The following PDSS1 variants were observed in gnomAD, a reference collection of about 807,000 sequenced individuals.
PDSS1 encodes decaprenyl diphosphate synthase subunit 1.
A neutral mutation model predicts 57.5 loss-of-function variants in PDSS1; 43 were observed. That is an observed-to-expected ratio of 0.75 (90% CI 0.59 to 0.96). The LOEUF is 0.96. Among genes scored for constraint, PDSS1 ranks in the 50% least tolerant of loss-of-function variants. The probability of loss-of-function intolerance (pLI) is 0.00; values close to 1 mark genes in which losing one functional copy is unlikely to be tolerated. For missense variants in PDSS1, 438 were observed against 527.8 expected (o/e 0.83, Z 1.67); for synonymous variants, 175 against 191.3 (o/e 0.91, Z 0.70).
intron 8 of PDSS1, among the ~76,000 whole-genome samples, chr10:26,724,923 A>G (rs891807919): frequency 1.3e-5 from 2 of 152,220 alleles, no homozygotes; most frequent in African/African-American, 4.8e-5. Context: ...TACATGAAAT[A>G]TAAACAAGTC....
intron 2 of PDSS1, among the ~76,000 whole-genome samples, chr10:26,703,786 T>C (rs1780183): frequency 0.71 from 108,444 of 151,814 alleles, 39,095 homozygotes; most frequent in East Asian, 0.97. Context: ...ACTTTCATTG[T>C]CATTTTAATA....
intron 1 of PDSS1, among the ~76,000 whole-genome samples, chr10:26,699,166 C>G (rs1479271696): frequency 1.3e-5 from 2 of 152,024 alleles, no homozygotes; most frequent in African/African-American, 4.8e-5. Flanking sequence ...GTTTGGAGAC[C>G]AAGTGGCAGC....
chr10:26,698,499 T>C (rs1834948618), intron 1 of PDSS1, among the ~76,000 whole-genome samples: 1 of 152,178 alleles, frequency 6.6e-6, no homozygotes, highest in Non-Finnish European at 1.5e-5. Context: ...TAGCCCATTC[T>C]TTCAGGGTCT....
chr10:26,733,623 C>T (rs941664770), intron 8 of PDSS1, among the ~76,000 whole-genome samples: 1 of 152,120 alleles, frequency 6.6e-6, no homozygotes, highest in Non-Finnish European at 1.5e-5. Context: ...GGTGCGTGGA[C>T]ACTGCCAAGG....
intron 1 of PDSS1, chr10:26,701,859 A>T (rs553279082): frequency 2.2e-6 from 1 of 454,788 alleles, no homozygotes; most frequent in South Asian, 1.6e-5. Context: ...GAAAAGCTGC[A>T]GGCACTCAAT....
At chr10:26,723,428 G>A (rs1380480959) in intron 6 of PDSS1, among the ~76,000 whole-genome samples, 1 of 152,160 alleles carries the variant, frequency 6.6e-6, no homozygotes, top group Non-Finnish European at 1.5e-5. Context: ...GTCAACTGGG[G>A]AGATGGACAT....
At chr10:26,698,483 C>T (rs192983547) in intron 1 of PDSS1, among the ~76,000 whole-genome samples, 109 of 152,270 alleles carry the variant, frequency 7.2e-4, no homozygotes, top group African/African-American at 2.3e-3. Flanking sequence ...GTCAGAATCT[C>T]AGCGATAGCC....
At position 26,735,616 on chromosome 10, in the gene PDSS1, T is replaced by C. The variant is rs775868474; in HGVS notation, c.1026+37T>C. On this transcript the variant is annotated intron_variant, in intron 10 of 11. Transcript: ENST00000376215. ...AAACTCCCTTTGACACATCACTGCA[T>C]AGCCCCACAGAACTGATGTCCCGCG... is the stretch of plus-strand genomic sequence containing the variant. 4.4e-6 allele frequency: 5 copies of C among 1,148,802 alleles called. No homozygotes were observed. The Admixed American group carries it at 8.5e-5, about 19-fold the overall frequency. 71.2% of individuals were successfully genotyped at this position (1,148,802 alleles called of 1,614,324 possible). A position where few individuals can be genotyped will look rare whatever the true frequency, so the allele number is the denominator to read the frequency against.
rs1039558873 is a variant in PDSS1, at chr10:26,697,789, C to G, written c.78C>G (p.Pro26=). 2.4e-5 allele frequency: 32 copies of G among 1,309,786 alleles called. No individual in the cohort carries two copies. Among genetic ancestry groups the G allele is most frequent in the South Asian group, 1.1e-4 (5 of 44,360 alleles). 81.1% of individuals were successfully genotyped at this position (1,309,786 alleles called of 1,614,324 possible). A position where few individuals can be genotyped will look rare whatever the true frequency, so the allele number is the denominator to read the frequency against. Residue 26 remains proline, a synonymous_variant, in exon 1 of 12, where the codon CCC becomes CCG. Coordinates refer to ENST00000376215, the MANE Select transcript of PDSS1 (RefSeq NM_014317.5). Reference sequence around the variant, plus strand: ...CGCGGAGCCCCGGGCCCGGCTCCCCCGGCCGTGCGGGACCGTTGGGGCCGA... The same window carrying G: ...CGCGGAGCCCCGGGCCCGGCTCCCCGGGCCGTGCGGGACCGTTGGGGCCGA... ...PAARSPGPGS[P]GRAGPLGPSA... is the part of the protein sequence containing the mutation.
Position 26,709,819 on chromosome 10 carries a change from C to G in PDSS1, c.467+51C>G, listed in dbSNP as rs373098409. 8.5e-5 allele frequency: 135 copies of G among 1,579,610 alleles called. 1 individual carries two copies. Among genetic ancestry groups the G allele is most frequent in the Non-Finnish European group, 1.1e-4 (130 of 1,149,206 alleles). ...TTGTTTTTATATTTGGGAAGTCTTT[C>G]TTCCCGGGGTTACTTACTGTTTCAT... On this transcript the variant is annotated intron_variant, in intron 5 of 11. Transcript: ENST00000376215.
chr10:26,703,346 A>G (rs1835103494), intron 2 of PDSS1, among the ~76,000 whole-genome samples: 1 of 149,822 alleles, frequency 6.7e-6, no homozygotes, highest in Non-Finnish European at 1.5e-5. Flanking sequence ...TAGTTATTAT[A>G]ACTAATCATA....
At chr10:26,740,749 G>C (rs1836568878) in intron 10 of PDSS1, 1 of 452,760 alleles carries the variant, frequency 2.2e-6, no homozygotes, top group Non-Finnish European at 4.5e-6. Flanking sequence ...GAGCTCAAGG[G>C]CTTCCAGTCA....
intron 5 of PDSS1, among the ~76,000 whole-genome samples, chr10:26,713,677 C>T (rs1480175583): frequency 6.6e-6 from 1 of 152,060 alleles, no homozygotes. Context: ...ACCATGGTGT[C>T]TGGGTAGAGA....
At chr10:26,717,723 C>G (rs990043670) in intron 5 of PDSS1, 1 of 152,104 alleles carries the variant, frequency 6.6e-6, no homozygotes, top group Non-Finnish European at 1.5e-5. Flanking sequence ...TGGTGCCCAA[C>G]TTCTGAATGC....
Position 26,741,144 on chromosome 10 carries a change from G to A in PDSS1, c.1027-1353G>A, listed in dbSNP as rs538981917. Reference sequence around the variant, plus strand: ...TCTTGGTGCCCAGGCTAAACCCCAAGCCAGTATAACCAAAGTCTCTGGGAA... The same window carrying A: ...TCTTGGTGCCCAGGCTAAACCCCAAACCAGTATAACCAAAGTCTCTGGGAA... On this transcript the variant is annotated intron_variant, in intron 10 of 11. Transcript: ENST00000376215. 3.9e-5 allele frequency among the ~76,000 whole-genome samples: 6 copies of A among 152,242 alleles called. No homozygotes were observed. In the East Asian group the frequency reaches 5.8e-4, roughly 15 times the overall value.
rs201755285 is a variant in PDSS1 at position 26,735,416 on chromosome 10, G to A, written c.913-50G>A. ...CGTCAAAATAGTAAGAACGATGGCAGCAGTGTTGGCATGGCGGTGCTCCTT... is the reference window on the plus strand; with the variant it reads ...CGTCAAAATAGTAAGAACGATGGCAACAGTGTTGGCATGGCGGTGCTCCTT... On this transcript the variant is annotated intron_variant, in intron 9 of 11. Coordinates refer to ENST00000376215, the MANE Select transcript of PDSS1 (RefSeq NM_014317.5). 87 of 1,384,290 alleles carry A rather than the reference G, an allele frequency of 6.3e-5. No individual in the cohort carries two copies. The African/African-American group carries it at 1.1e-3, about 17-fold the overall frequency. The allele number at this position is 1,384,290 out of a possible 1,614,324, so 85.8% of individuals were successfully genotyped here.
At chr10:26,740,011 T>G (rs895005271) in intron 10 of PDSS1, among the ~76,000 whole-genome samples, 9 of 152,026 alleles carry the variant, frequency 5.9e-5, no homozygotes, top group Non-Finnish European at 1.3e-4. Context: ...GCGTGGTGGC[T>G]TGCGCCTGTA....
chr10:26,709,192 C>T (rs1343048606), intron 4 of PDSS1, among the ~76,000 whole-genome samples: 3 of 152,200 alleles, frequency 2.0e-5, no homozygotes, highest in African/African-American at 2.4e-5. Flanking sequence ...GGCCCTGCAG[C>T]GTGGGAGCCT....
At chr10:26,722,729 A>G (rs909876775) in intron 6 of PDSS1, among the ~76,000 whole-genome samples, 1 of 151,952 alleles carries the variant, frequency 6.6e-6, no homozygotes, top group African/African-American at 2.4e-5. Flanking sequence ...AATGTAATAT[A>G]TATCTTTAAA....
Sources: allele counts gnomAD v4.1 joint callset (sites outside exome capture counted in the v4.1 genomes callset), GRCh38; gene constraint gnomAD v4.1.1; transcripts MANE v1.5; gene names NCBI Gene and HGNC (gene_info 2026-07-23, HGNC 2026-07-21).